CASKIN1: variants seen among roughly 807,000 people sequenced by gnomAD.
The protein encoded by CASKIN1 is caskin-1.
Under a neutral mutation model 117.5 loss-of-function variants are expected in CASKIN1, and 42 were observed. That is an observed-to-expected ratio of 0.36 (90% CI 0.28 to 0.46). The LOEUF is 0.46. Among genes scored for constraint, CASKIN1 ranks in the 20% least tolerant of loss-of-function variants. The pLI is 1.00. For missense variants in CASKIN1, 2,083 were observed against 2,077.3 expected (o/e 1.00, Z -0.05); for synonymous variants, 1,148 against 961.7 (o/e 1.19, Z -3.59).
chr16:2,194,024 C>T (rs1187433209), intron 1 of CASKIN1, among the ~76,000 whole-genome samples: 2 of 152,104 alleles, frequency 1.3e-5, no homozygotes, highest in African/African-American at 4.8e-5. Flanking sequence ...GGTCCCTAAG[C>T]CCTGTGACTC....
rs1193879030 is a variant in CASKIN1, at chr16:2,189,167, G to C, written c.487-10C>G. The C allele has an allele frequency of 6.2e-7, 1 of 1,612,476 alleles. No individual in the cohort carries two copies. Among genetic ancestry groups the C allele is most frequent in the Admixed American group, 1.7e-5 (1 of 59,894 alleles). ...GGAGCAGCTGGACCACCTTGAAGGA[G>C]GGGTCAGGGTAGGGGGGTCCTGATG... On this transcript the variant is annotated splice_polypyrimidine_tract_variant and intron_variant, in intron 5 of 19. Coordinates refer to ENST00000343516, the MANE Select transcript of CASKIN1 (RefSeq NM_020764.4).
In CASKIN1 at chr16:2,182,545, A is replaced by G. The variant is rs2093171288; in HGVS notation, c.1630-616T>C. 6.6e-6 allele frequency among the ~76,000 whole-genome samples: 1 copy of G among 152,132 alleles called. No homozygotes were observed. The highest frequency in any genetic ancestry group is 1.9e-4 in the East Asian group (1 of 5,160). ...TGCTCTTGAACACTCAGCCACCCCC[A>G]GGTGCGCGGCAAGGCCCGTGGGACC... On this transcript the variant is annotated intron_variant, in intron 16 of 19. Coordinates refer to ENST00000343516, the MANE Select transcript of CASKIN1 (RefSeq NM_020764.4). The surrounding 1 kb of genome is among the most constrained non-coding windows in gnomAD (Gnocchi z 4.1).
chr16:2,178,708 C>G lies in CASKIN1; in HGVS notation c.4200-62G>C. 4 of 1,449,214 alleles carry G rather than the reference C, an allele frequency of 2.8e-6. No homozygotes were observed. The South Asian group carries it at 5.0e-5, about 18-fold the overall frequency. 89.8% of individuals were successfully genotyped at this position (1,449,214 alleles called of 1,614,324 possible). A position where few individuals can be genotyped will look rare whatever the true frequency, so the allele number is the denominator to read the frequency against. ...GCGGGTCTGGCCACGCCCACCCCGA[C>G]CAGGACACGCCCACGTCCCGCATCT... On this transcript the variant is annotated intron_variant, in intron 19 of 19. Coordinates refer to ENST00000343516, the MANE Select transcript of CASKIN1 (RefSeq NM_020764.4).
intron 3 of CASKIN1, 36 bp downstream of exon 3, chr16:2,190,036 GC>G: frequency 1.5e-6 from 1 of 679,792 alleles, no homozygotes; most frequent in Non-Finnish European, 2.6e-6. Context: ...CGCTGCCCCC[GC>G]CCCTGCCCCC....
intron 1 of CASKIN1, among the ~76,000 whole-genome samples, chr16:2,193,030 T>A (rs1446222544): frequency 7.2e-5 from 11 of 152,176 alleles, no homozygotes; most frequent in Non-Finnish European, 1.2e-4. Flanking sequence ...TCTTTTTTTT[T>A]ATTGGAGATG....
chr16:2,179,598 C>A lies in CASKIN1; in HGVS notation c.3770G>T (p.Ser1257Ile). Reference sequence around the variant, plus strand: ...CCCCACCCTGGCTGGCCTACCTGGGCTGCCAGGGCCTGGCAGCGGCACCTT... The same window carrying A: ...CCCCACCCTGGCTGGCCTACCTGGGATGCCAGGGCCTGGCAGCGGCACCTT... ...SKKVPLPGPG[S>I]PEVKRAHGTP... is the part of the protein sequence containing the mutation. The change falls in exon 18 of 20, where the codon AGC (serine) becomes ATC (isoleucine). Residue 1257 changes from serine (S) to isoleucine (I), a missense_variant. Transcript: ENST00000343516. The surrounding 1 kb of genome is among the most constrained non-coding windows in gnomAD (Gnocchi z 5.8). The A allele has an allele frequency of 6.9e-7, 1 of 1,444,738 alleles. No individual in the cohort carries two copies. The highest frequency in any genetic ancestry group is 9.1e-7 in the Non-Finnish European group (1 of 1,104,948). 89.5% of individuals were successfully genotyped at this position (1,444,738 alleles called of 1,614,324 possible).
Position 2,180,324 on chromosome 16 carries a change from C to A in CASKIN1, c.3044G>T (p.Gly1015Val). Residue 1015 changes from glycine (G) to valine (V), a missense_variant, in exon 18 of 20, where the codon GGT becomes GTT. Physicochemically the swap from Gly to Val is moderately radical, Grantham distance 109 (BLOSUM62 -3). This residue lies in a region of CASKIN1 where 1,818 missense variants were observed against 1,688.9 expected (regional missense o/e 1.08). Coordinates refer to ENST00000343516, the MANE Select transcript of CASKIN1 (RefSeq NM_020764.4). ...AGGCCTGCGGGCAGCCCGGCCCCCA[C>A]CCCCAATGGAGGACAGCTCCAGCAT... Reference protein sequence around the residue: ...AAMLELSSIGGGGRAARRPPE... With the variant: ...AAMLELSSIGVGGRAARRPPE... 6.3e-7 allele frequency: 1 copy of A among 1,597,234 alleles called. No homozygotes were observed.
intron 1 of CASKIN1, among the ~76,000 whole-genome samples, chr16:2,192,279 G>C (rs543946002): frequency 6.6e-6 from 1 of 151,916 alleles, no homozygotes; most frequent in South Asian, 2.1e-4. Context: ...TTCCAACCTG[G>C]GTGACAGAGC....
At chr16:2,185,997 T>C (rs1475305445) in intron 10 of CASKIN1, among the ~76,000 whole-genome samples, 1 of 152,222 alleles carries the variant, frequency 6.6e-6, no homozygotes, top group Non-Finnish European at 1.5e-5. Flanking sequence ...ATTATTTTTT[T>C]TTGAGACAGG....
intron 6 of CASKIN1, 142 bp from the exon 7 acceptor site, chr16:2,187,603 C>T (rs1196589631): frequency 3.0e-6 from 2 of 656,602 alleles, no homozygotes; most frequent in Non-Finnish European, 5.3e-6. Flanking sequence ...ATGTCTCTGA[C>T]ATTCACTGAG....
At position 2,184,985 on chromosome 16, in the gene CASKIN1, C is replaced by G. The variant is rs200421858; in HGVS notation, c.1290G>C (p.Gly430=). The part of the protein sequence containing the change: ...SQKSVSESGP[G]DSPAKPPEGS... Reference sequence around the variant, plus strand: ...CTTCCGGAGGCTTGGCGGGGCTGTCCCCCGGGCCGGACTCAGAGACGGACT... The same window carrying G: ...CTTCCGGAGGCTTGGCGGGGCTGTCGCCCGGGCCGGACTCAGAGACGGACT... The change falls in exon 13 of 20, where the codon GGG becomes GGC. Residue 430 remains glycine, a synonymous_variant. Coordinates refer to ENST00000343516, the MANE Select transcript of CASKIN1 (RefSeq NM_020764.4). The G allele has an allele frequency of 6.2e-7, 1 of 1,608,024 alleles. No homozygotes were observed. Among genetic ancestry groups the G allele is most frequent in the Non-Finnish European group, 8.5e-7 (1 of 1,175,752 alleles).
At position 2,180,293 on chromosome 16, in the gene CASKIN1, C is replaced by G. The variant is rs765784613; in HGVS notation, c.3075G>C (p.Glu1025Asp). Residue 1025 changes from glutamate to aspartate, a missense_variant, in exon 18 of 20, where the codon GAG becomes GAC. By Grantham distance (45) the Glu-to-Asp change is conservative. This residue lies in a region of CASKIN1 where 1,818 missense variants were observed against 1,688.9 expected (regional missense o/e 1.08). Coordinates refer to ENST00000343516, the MANE Select transcript of CASKIN1 (RefSeq NM_020764.4). ...TGGCAGGGCGGGGAGTGGGGTGGCC[C>G]TCAGGAGGCCTGCGGGCAGCCCGGC... ...GGGRAARRPPEGHPTPRPASP... is the reference protein window; with the variant it reads ...GGGRAARRPPDGHPTPRPASP... 21 of 1,580,448 alleles carry G rather than the reference C, an allele frequency of 1.3e-5. No homozygotes were observed. The highest frequency in any genetic ancestry group is 1.7e-5 in the Non-Finnish European group (20 of 1,167,106).
rs1460985271 is a variant in CASKIN1, at chr16:2,178,020, CAAT to C, written c.*527_*529del. On this transcript the variant is annotated 3_prime_UTR_variant, in exon 20 of 20. Transcript: ENST00000343516. Reference sequence around the variant, plus strand: ...GTTGGTAAATGGTTTTCTATAGAATCAATAATATTTCTTTCTTTAAATATATAT... The same window carrying C: ...GTTGGTAAATGGTTTTCTATAGAATCAATATTTCTTTCTTTAAATATATAT... 9.3e-6 allele frequency: 4 copies of C among 429,224 alleles called. No individual in the cohort carries two copies. Among genetic ancestry groups the C allele is most frequent in the South Asian group, 4.1e-5 (2 of 49,228 alleles). The allele number at this position is 429,224 out of a possible 1,614,324, so 26.6% of individuals were successfully genotyped here. A position where few individuals can be genotyped will look rare whatever the true frequency, so the allele number is the denominator to read the frequency against.
intron 1 of CASKIN1, among the ~76,000 whole-genome samples, chr16:2,194,974 C>T (rs942404419): frequency 6.6e-6 from 1 of 152,234 alleles, no homozygotes; most frequent in Non-Finnish European, 1.5e-5. Context: ...GACATCCCAT[C>T]CTACAGACGA....
At chr16:2,193,819 G>A (rs1025234216) in intron 1 of CASKIN1, among the ~76,000 whole-genome samples, 6 of 152,234 alleles carry the variant, frequency 3.9e-5, no homozygotes, top group Admixed American at 6.5e-5. Context: ...AGCAACTTGA[G>A]GTCTTGGGAC....
In CASKIN1 at chr16:2,182,439, A is replaced by C. The variant is rs1483394230; in HGVS notation, c.1630-510T>G. On this transcript the variant is annotated intron_variant, in intron 16 of 19. Transcript: ENST00000343516. This position sits in a 1 kb window ranked among gnomAD's most constrained non-coding sequence, Gnocchi z 4.1. ...ACACACACGTGCCAACACCCACAGCAATCTGCACCGAGAAACACCCGATCA... is the reference window on the plus strand; with the variant it reads ...ACACACACGTGCCAACACCCACAGCCATCTGCACCGAGAAACACCCGATCA... Among the ~76,000 whole-genome samples the C allele has an allele frequency of 2.0e-5, 3 of 151,682 alleles. No individual in the cohort carries two copies. Among genetic ancestry groups the C allele is most frequent in the African/African-American group, 7.3e-5 (3 of 41,270 alleles).
rs2093198310 is a variant in CASKIN1, at chr16:2,190,378, C to T, written c.95-20G>A. ...GGAGCTCTGGGGATGGAAGGAGACT[C>T]AGTGAGGGGAGGCTGTGCCAGCCCC... On this transcript the variant is annotated intron_variant, in intron 1 of 19. Transcript: ENST00000343516. 1.9e-6 allele frequency: 3 copies of T among 1,562,994 alleles called. No individual in the cohort carries two copies. Among genetic ancestry groups the T allele is most frequent in the Non-Finnish European group, 1.7e-6 (2 of 1,153,332 alleles).
intron 6 of CASKIN1, among the ~76,000 whole-genome samples, chr16:2,187,802 G>A (rs1000280463): frequency 1.3e-5 from 2 of 151,700 alleles, no homozygotes; most frequent in African/African-American, 4.8e-5. Context: ...TGTATTTTTA[G>A]TAGAGACGGG....
chr16:2,185,572 G>A (rs892838256), intron 10 of CASKIN1, among the ~76,000 whole-genome samples, 164 bp from the exon 11 acceptor site: 3 of 152,230 alleles, frequency 2.0e-5, no homozygotes, highest in South Asian at 2.1e-4. Context: ...CACCCCAGAC[G>A]TTTAGAGCAG....
Sources: allele counts gnomAD v4.1 joint callset (sites outside exome capture counted in the v4.1 genomes callset), GRCh38; gene constraint gnomAD v4.1.1; regional missense constraint gnomAD v4.1.1; non-coding constraint Gnocchi (gnomAD v3.1); transcripts MANE v1.5; gene names NCBI Gene and HGNC (gene_info 2026-07-23, HGNC 2026-07-21).